The following HGF variants were observed in gnomAD, a reference collection of about 807,000 sequenced individuals.
HGF encodes the protein fibroblast-derived tumor cytotoxic factor.
HGF carries 39 observed loss-of-function variants against 111.6 expected under a neutral mutation model. The observed-to-expected ratio is 0.35, with a 90% CI of 0.27 to 0.46. The LOEUF (loss-of-function observed/expected upper bound fraction) is 0.46. Ranked by LOEUF, HGF falls within the 20% of genes least tolerant of loss-of-function variation. HGF has a pLI of 1.00. For synonymous variants in HGF, 285 were observed against 294.8 expected, an observed-to-expected ratio of 0.97 and a Z score of 0.34; for missense variants, 735 against 910.5, an observed-to-expected ratio of 0.81 and a Z score of 2.48.
chr7:81,722,845 G>GTATATATATATATATATATATA lies in HGF; in HGVS notation c.1169-1999_1169-1998insTATATATATATATATATATATA, dbSNP rs144391393. 3.6e-3 allele frequency among the ~76,000 whole-genome samples: 470 copies of GTATATATATATATATATATATA among 132,390 alleles called. 9 individuals are homozygous for GTATATATATATATATATATATA. The highest frequency in any genetic ancestry group is 0.015 in the African/African-American group (443 of 30,416). 86.9% of individuals were successfully genotyped at this position (132,390 alleles called of 152,430 possible). A position where few individuals can be genotyped will look rare whatever the true frequency, so the allele number is the denominator to read the frequency against. On this transcript the variant is annotated intron_variant, in intron 9 of 17. Coordinates refer to ENST00000222390, the MANE Select transcript of HGF (RefSeq NM_000601.6). Reference sequence around the variant, plus strand: ...AAAAAAAAAAAAGAAATTTAAAAAGGTATATATATATATATATGTTGCATT... The same window carrying GTATATATATATATATATATATA: ...AAAAAAAAAAAAGAAATTTAAAAAGGTATATATATATATATATATATATATATATATATATATATGTTGCATT...
chr7:81,734,632 GA>G lies in HGF; in HGVS notation c.866-4854del, dbSNP rs947410867. ...ACCAAGAGAACAAGATCACTAATTA[GA>G]AAAAAAAATCTGATTACTTCTTTCT... On this transcript the variant is annotated intron_variant, in intron 7 of 17. Coordinates refer to ENST00000222390, the MANE Select transcript of HGF (RefSeq NM_000601.6). Among the ~76,000 whole-genome samples, 11 of 151,220 alleles carry G rather than the reference GA, an allele frequency of 7.3e-5. No individual in the cohort carries two copies. In the East Asian group the frequency reaches 1.4e-3, roughly 19 times the overall value.
intron 10 of HGF, 66 bp downstream of exon 10, chr7:81,720,679 A>G (rs771062568): frequency 3.4e-6 from 3 of 870,806 alleles, no homozygotes; most frequent in Non-Finnish European, 5.9e-6. Flanking sequence ...AGCAATGTAC[A>G]TATCTAAATA....
At chr7:81,730,762 C>T (rs1787627132) in intron 7 of HGF, among the ~76,000 whole-genome samples, 1 of 152,170 alleles carries the variant, frequency 6.6e-6, no homozygotes, top group Non-Finnish European at 1.5e-5. Flanking sequence ...CTTCTTAAAA[C>T]ATACATGAAA....
intron 10 of HGF, among the ~76,000 whole-genome samples, chr7:81,717,577 T>C (rs1221356063): frequency 6.6e-6 from 1 of 152,152 alleles, no homozygotes; most frequent in African/African-American, 2.4e-5. Context: ...AACTTGGAAA[T>C]ATGGAAGAGG....
At chr7:81,738,828 A>G (rs1020950658) in intron 7 of HGF, among the ~76,000 whole-genome samples, 47 of 152,118 alleles carry the variant, frequency 3.1e-4, no homozygotes, top group African/African-American at 1.1e-3. Flanking sequence ...ATCCCCAGCT[A>G]CTAGAAAAGT....
intron 7 of HGF, among the ~76,000 whole-genome samples, chr7:81,739,162 C>A (rs570266686): frequency 6.6e-6 from 1 of 152,132 alleles, no homozygotes; most frequent in Non-Finnish European, 1.5e-5. Flanking sequence ...TTCTCTCTCC[C>A]TATCCCATTT....
intron 4 of HGF, among the ~76,000 whole-genome samples, chr7:81,753,721 T>G (rs1043832876): frequency 6.6e-6 from 1 of 151,998 alleles, no homozygotes; most frequent in African/African-American, 2.4e-5. Context: ...TGAAGTATTA[T>G]CCATATTATG....
chr7:81,758,407 A>G (rs1361127857), intron 3 of HGF, among the ~76,000 whole-genome samples: 1 of 152,086 alleles, frequency 6.6e-6, no homozygotes, highest in African/African-American at 2.4e-5. Context: ...ATGAACATGG[A>G]GAATGCCAGT....
At chr7:81,757,388 T>A (rs1316541847) in intron 3 of HGF, 85 bp from the exon 4 acceptor site, 1 of 734,288 alleles carries the variant, frequency 1.4e-6, no homozygotes, top group Admixed American at 2.0e-5. Context: ...AACCTGTAAG[T>A]AATTAACTCT....
At position 81,720,343 on chromosome 7, in the gene HGF, A is replaced by G. The variant is rs147641154; in HGVS notation, c.1271+402T>C. ...ACTATCAATTATTAAATATGAAAAC[A>G]ATAATCCCATAACATGCAATATTTC... On this transcript the variant is annotated intron_variant, in intron 10 of 17. Coordinates refer to ENST00000222390, the MANE Select transcript of HGF (RefSeq NM_000601.6). Among the ~76,000 whole-genome samples the G allele has an allele frequency of 1.1e-4, 16 of 152,340 alleles. No individual in the cohort carries two copies. The East Asian group carries it at 3.1e-3, about 29-fold the overall frequency.
At chr7:81,708,553 G>A (rs1256447506) in intron 13 of HGF, among the ~76,000 whole-genome samples, 1 of 1,120 alleles carries the variant, frequency 8.9e-4, no homozygotes, top group Non-Finnish European at 2.7e-3. Context: ...TTTTTTTTTT[G>A]AGACAGAGTC....
chr7:81,742,457 G>T (rs1788044566), intron 7 of HGF, among the ~76,000 whole-genome samples: 1 of 152,006 alleles, frequency 6.6e-6, no homozygotes, highest in Non-Finnish European at 1.5e-5. Context: ...TTACATGTCT[G>T]TCCATATATA....
intron 2 of HGF, among the ~76,000 whole-genome samples, chr7:81,760,349 C>T (rs979396413): frequency 6.6e-6 from 1 of 152,118 alleles, no homozygotes; most frequent in Non-Finnish European, 1.5e-5. Context: ...ATCAGGCATT[C>T]TTGGTCATCT....
chr7:81,733,310 T>C (rs1787724800), intron 7 of HGF, among the ~76,000 whole-genome samples: 1 of 151,886 alleles, frequency 6.6e-6, no homozygotes, highest in African/African-American at 2.4e-5. Context: ...AATACAAATA[T>C]AATATTTTAC....
At chr7:81,736,399 G>T (rs1787827280) in intron 7 of HGF, among the ~76,000 whole-genome samples, 1 of 152,026 alleles carries the variant, frequency 6.6e-6, no homozygotes, top group African/African-American at 2.4e-5. Context: ...TGATACCCAA[G>T]TATCCTTTAT....
At chr7:81,769,565 A>C (rs1220867894) in intron 1 of HGF, among the ~76,000 whole-genome samples, 1 of 152,184 alleles carries the variant, frequency 6.6e-6, no homozygotes, top group Non-Finnish European at 1.5e-5. Context: ...AAACTTGTCC[A>C]AAGCAGCCAA....
At chr7:81,761,238 A>T (rs1789060729) in intron 2 of HGF, among the ~76,000 whole-genome samples, 1 of 152,208 alleles carries the variant, frequency 6.6e-6, no homozygotes, top group South Asian at 2.1e-4. Context: ...AAAGTCAGGG[A>T]ATAAAACAGA....
At chr7:81,736,027 A>G (rs192067313) in intron 7 of HGF, among the ~76,000 whole-genome samples, 6 of 152,188 alleles carry the variant, frequency 3.9e-5, no homozygotes, top group Admixed American at 2.0e-4. Context: ...TGGGGCTTCA[A>G]CATATGGATT....
intron 7 of HGF, among the ~76,000 whole-genome samples, chr7:81,731,922 G>C (rs1242276609): frequency 6.6e-6 from 1 of 152,186 alleles, no homozygotes; most frequent in Non-Finnish European, 1.5e-5. Flanking sequence ...CCTGACAATG[G>C]AAGGGAGTTC....
Sources: allele counts gnomAD v4.1 joint callset (sites outside exome capture counted in the v4.1 genomes callset), GRCh38; gene constraint gnomAD v4.1.1; transcripts MANE v1.5; gene names NCBI Gene and HGNC (gene_info 2026-07-23, HGNC 2026-07-21).